Variants in CPEB2 observed in about 807,000 individuals in gnomAD.
CPEB2 encodes cytoplasmic polyadenylation element-binding protein 2.
In CPEB2, 56 loss-of-function variants were observed where a neutral mutation model predicts 93.6. The ratio of observed to expected loss-of-function variants is 0.60; its 90% CI spans 0.48 to 0.75. The LOEUF (loss-of-function observed/expected upper bound fraction) is 0.75, where lower values mean the gene tolerates loss of function less well. Among genes scored for constraint, CPEB2 ranks in the 30% least tolerant of loss-of-function variants. CPEB2 has a pLI of 0.00. For synonymous variants in CPEB2, 764 were observed against 586.3 expected (o/e 1.30, Z -4.38); for missense variants, 1,579 against 1,395.1 (o/e 1.13, Z -2.10).
chr4:15,024,398 G>T, intron 4 of CPEB2, among the ~76,000 whole-genome samples: 1 of 152,114 alleles, frequency 6.6e-6, no homozygotes, highest in Admixed American at 6.5e-5. Context: ...AGTCACTATG[G>T]AATTATATAT....
In CPEB2 at chr4:15,003,240, C is replaced by T; in HGVS notation, c.567C>T (p.His189=). 2 of 1,526,518 alleles carry T rather than the reference C, an allele frequency of 1.3e-6. No individual in the cohort carries two copies. The highest frequency in any genetic ancestry group is 2.5e-5 in the East Asian group (1 of 39,630). 94.6% of individuals were successfully genotyped at this position (1,526,518 alleles called of 1,614,324 possible). The stretch of plus-strand genomic sequence containing the variant: ...AGTTCAGCCCTCCCCACCTTCCCCA[C>T]CCTCCGGACTCGAAGCCGCCGCCGC... ...RKEFSPPHLP[H]PPDSKPPPPP... The change falls in exon 1 of 12, where the codon CAC becomes CAT. Residue 189 remains histidine (H), a synonymous_variant. Transcript: ENST00000538197.
intron 11 of CPEB2, among the ~76,000 whole-genome samples, chr4:15,065,075 A>G (rs537056232): frequency 6.6e-6 from 1 of 152,234 alleles, no homozygotes; most frequent in East Asian, 1.9e-4. Flanking sequence ...CAACAATGTA[A>G]TTCCATTACC....
intron 4 of CPEB2, among the ~76,000 whole-genome samples, chr4:15,022,731 A>G (rs1724950931): frequency 6.6e-6 from 1 of 152,108 alleles, no homozygotes; most frequent in African/African-American, 2.4e-5. Flanking sequence ...GATTACTCTT[A>G]TAACGTACAT....
intron 4 of CPEB2, among the ~76,000 whole-genome samples, chr4:15,029,449 C>T (rs1212829278): frequency 6.6e-6 from 1 of 151,910 alleles, no homozygotes; most frequent in African/African-American, 2.4e-5. Context: ...TTTTAAATTA[C>T]TTATTTTAAA....
At chr4:15,039,811 T>TA (rs1449953674) in intron 5 of CPEB2, among the ~76,000 whole-genome samples, 2 of 152,140 alleles carry the variant, frequency 1.3e-5, no homozygotes, top group Non-Finnish European at 2.9e-5. Flanking sequence ...GGTAGACACA[T>TA]AAACAATTAG....
At chr4:15,025,512 G>A (rs972602049) in intron 4 of CPEB2, among the ~76,000 whole-genome samples, 24 of 152,014 alleles carry the variant, frequency 1.6e-4, no homozygotes, top group Admixed American at 1.4e-3. Context: ...ATTGTAATAA[G>A]TCAATCAGGT....
chr4:15,017,262 G>C lies in CPEB2; in HGVS notation c.2109G>C (p.Glu703Asp). 6.3e-7 allele frequency: 1 copy of C among 1,589,358 alleles called. No homozygotes were observed. The highest frequency in any genetic ancestry group is 8.6e-7 in the Non-Finnish European group (1 of 1,160,792). ...CCCTTATCGATATTATGAGAGCAGA[G>C]CATGATCCTCTTAAGGGTAGGTGAC... ...ENSLIDIMRAEHDPLKGRLSY... is the reference protein window; with the variant it reads ...ENSLIDIMRADHDPLKGRLSY... Residue 703 changes from glutamate to aspartate, a missense_variant, in exon 4 of 12, where the codon GAG becomes GAC. By Grantham distance (45) the Glu-to-Asp change is conservative. This residue lies in a region of CPEB2 where 1,411 missense variants were observed against 1,056.0 expected (regional missense o/e 1.34). Coordinates refer to ENST00000538197, the MANE Select transcript of CPEB2 (RefSeq NM_001177382.2).
intron 10 of CPEB2, among the ~76,000 whole-genome samples, 169 bp from the exon 11 acceptor site, chr4:15,061,910 A>G (rs1729220420): frequency 6.6e-6 from 1 of 150,544 alleles, no homozygotes; most frequent in Non-Finnish European, 1.5e-5. Context: ...ATAGTTTAAA[A>G]AAAGCATCCT....
At position 15,003,980 on chromosome 4, in the gene CPEB2, G is replaced by A. The variant is rs112476821; in HGVS notation, c.1307G>A (p.Ser436Asn). 0.51 allele frequency: 749,790 copies of A among 1,461,846 alleles called. 197,403 individuals are homozygous for A. The highest frequency in any genetic ancestry group is 0.79 in the East Asian group (26,415 of 33,326). The allele number at this position is 1,461,846 out of a possible 1,614,324, so 90.6% of individuals were successfully genotyped here. A position where few individuals can be genotyped will look rare whatever the true frequency, so the allele number is the denominator to read the frequency against. The change falls in exon 1 of 12, where the codon AGC becomes AAC. Residue 436 changes from serine (S) to asparagine (N), a missense_variant. Physicochemically the swap from Ser to Asn is conservative, Grantham distance 46. Coordinates refer to ENST00000538197, the MANE Select transcript of CPEB2 (RefSeq NM_001177382.2). ...GGCGGCGGCAGCGGCGGCTCGCTCA[G>A]CGCCATGCCGCCGCCCAGCCCCGAC... ...TPGGGSGGSL[S>N]AMPPPSPDSE...
chr4:15,015,822 G>A (rs1030000383), intron 3 of CPEB2, among the ~76,000 whole-genome samples: 3 of 152,070 alleles, frequency 2.0e-5, no homozygotes, highest in South Asian at 4.1e-4. Flanking sequence ...GAAGACATAT[G>A]ATAAGGTTTA....
Position 15,002,746 on chromosome 4 carries a change from G to A in CPEB2, c.73G>A (p.Gly25Ser), listed in dbSNP as rs1393675119. Residue 25 changes from glycine (G) to serine (S), a missense_variant, in exon 1 of 12, where the codon GGC becomes AGC. Around this residue, in one of 2 missense-constraint regions of CPEB2, gnomAD observed 1,411 missense variants for 1,056.0 expected, o/e 1.34. Transcript: ENST00000538197. ...RSSSPGPLFC[G>S]EAYGPYAVGS... The stretch of plus-strand genomic sequence containing the variant: ...TAGCAGTCCTGGGCCCCTGTTCTGC[G>A]GCGAGGCGTATGGTCCTTACGCCGT... 2 of 1,535,208 alleles carry A rather than the reference G, an allele frequency of 1.3e-6. No homozygotes were observed. The highest frequency in any genetic ancestry group is 1.4e-5 in the African/African-American group (1 of 73,002).
rs752096740 is a variant in CPEB2 at position 15,002,653 on chromosome 4, C to T, written c.-21C>T. ...GGCAGGGGACGAGGAGCGTCTCCTC[C>T]CGCTGCCGGCGGCCTGATAAATGAG... On this transcript the variant is annotated 5_prime_UTR_variant, in exon 1 of 12. Transcript: ENST00000538197. 12 of 1,480,116 alleles carry T rather than the reference C, an allele frequency of 8.1e-6. No homozygotes were observed. The South Asian group carries it at 1.5e-4, about 19-fold the overall frequency. The allele number at this position is 1,480,116 out of a possible 1,614,324, so 91.7% of individuals were successfully genotyped here.
At chr4:15,031,729 G>A (rs923719139) in intron 4 of CPEB2, among the ~76,000 whole-genome samples, 5 of 152,090 alleles carry the variant, frequency 3.3e-5, no homozygotes, top group Non-Finnish European at 1.5e-5. Context: ...TGTATGTACA[G>A]GAAACATGTT....
At chr4:15,028,314 A>T (rs1329338863) in intron 4 of CPEB2, among the ~76,000 whole-genome samples, 1 of 150,436 alleles carries the variant, frequency 6.6e-6, no homozygotes, top group Non-Finnish European at 1.5e-5. Context: ...AGCTGAAAAA[A>T]AAGTCTTGTT....
chr4:15,037,214 G>C (rs1230962901), intron 5 of CPEB2, among the ~76,000 whole-genome samples: 1 of 151,952 alleles, frequency 6.6e-6, no homozygotes, highest in Non-Finnish European at 1.5e-5. Context: ...AGGCAGGAGA[G>C]TGGCGTGAAC....
intron 6 of CPEB2, 80 bp downstream of exon 6, chr4:15,040,567 T>A: frequency 1.6e-6 from 2 of 1,268,894 alleles, no homozygotes; most frequent in Non-Finnish European, 2.2e-6. Context: ...TACTCTAGAT[T>A]TTTCATGCAA....
chr4:15,057,537 G>A (rs1240349654), intron 8 of CPEB2, among the ~76,000 whole-genome samples: 1 of 152,152 alleles, frequency 6.6e-6, no homozygotes, highest in Non-Finnish European at 1.5e-5. Flanking sequence ...TCTTGCCAAG[G>A]TAATGGATAG....
chr4:15,059,759 A>G lies in CPEB2; in HGVS notation c.2695+458A>G, dbSNP rs1425910560. On this transcript the variant is annotated intron_variant, in intron 10 of 11. Coordinates refer to ENST00000538197, the MANE Select transcript of CPEB2 (RefSeq NM_001177382.2). ...TTCTGTTTATCAATAACTAGGAACCAAAAACCTACCAAAATATGTCACAGA... is the reference window on the plus strand; with the variant it reads ...TTCTGTTTATCAATAACTAGGAACCGAAAACCTACCAAAATATGTCACAGA... Among the ~76,000 whole-genome samples the G allele has an allele frequency of 4.6e-5, 7 of 152,176 alleles. 1 individual carries two copies. Among genetic ancestry groups the G allele is most frequent in the Non-Finnish European group, 8.8e-5 (6 of 68,044 alleles).
intron 6 of CPEB2, among the ~76,000 whole-genome samples, chr4:15,045,928 A>C (rs1328329264): frequency 6.6e-6 from 1 of 152,224 alleles, no homozygotes; most frequent in African/African-American, 2.4e-5. Flanking sequence ...AGGAAATTAC[A>C]ATTAGTAGTT....
Sources: allele counts gnomAD v4.1 joint callset (sites outside exome capture counted in the v4.1 genomes callset), GRCh38; gene constraint gnomAD v4.1.1; regional missense constraint gnomAD v4.1.1; transcripts MANE v1.5; gene names NCBI Gene and HGNC (gene_info 2026-07-23, HGNC 2026-07-21).